The following ANO3 variants were observed in gnomAD, a reference collection of about 807,000 sequenced individuals.
ANO3 encodes anoctamin 3, also known as anoctamin-3.
ANO3 carries 99 observed loss-of-function variants against 144.8 expected under a neutral mutation model. The observed-to-expected ratio is 0.68, with a 90% CI of 0.58 to 0.81. ANO3 has a LOEUF of 0.81. Among genes scored for constraint, ANO3 ranks in the 30% least tolerant of loss-of-function variants. The pLI is 0.00. For synonymous variants in ANO3, 414 were observed against 392.6 expected (o/e 1.05, Z -0.64); for missense variants, 905 against 1,202.2 (o/e 0.75, Z 3.66).
At chr11:26,504,220 A>G (rs1861320477) in intron 4 of ANO3, among the ~76,000 whole-genome samples, 1 of 152,046 alleles carries the variant, frequency 6.6e-6, no homozygotes, top group African/African-American at 2.4e-5. Flanking sequence ...GCCTATTATA[A>G]TTTGTTCTAT....
chr11:26,511,629 C>T (rs1861669715), intron 5 of ANO3, among the ~76,000 whole-genome samples: 1 of 151,978 alleles, frequency 6.6e-6, no homozygotes, highest in Non-Finnish European at 1.5e-5. Flanking sequence ...TGCTAAATGG[C>T]TTGCAACAAG....
intron 3 of ANO3, among the ~76,000 whole-genome samples, chr11:26,450,381 G>C (rs910825534): frequency 1.3e-5 from 2 of 152,080 alleles, no homozygotes; most frequent in African/African-American, 2.4e-5. Flanking sequence ...CATTGCTACT[G>C]GCTAGTGGTA....
intron 1 of ANO3, among the ~76,000 whole-genome samples, chr11:26,413,479 A>T (rs1195054605): frequency 6.6e-6 from 1 of 151,874 alleles, no homozygotes; most frequent in Non-Finnish European, 1.5e-5. Context: ...CAGTGTAATT[A>T]CTCTCTATTT....
intron 13 of ANO3, among the ~76,000 whole-genome samples, chr11:26,558,373 AACAG>A (rs1850151756): frequency 1.3e-5 from 2 of 152,112 alleles, no homozygotes; most frequent in Middle Eastern, 3.4e-3. Flanking sequence ...TACAAAGGAA[AACAG>A]ACAGCTGTTC....
At chr11:26,408,264 A>C (rs1446603159) in intron 1 of ANO3, among the ~76,000 whole-genome samples, 3 of 151,830 alleles carry the variant, frequency 2.0e-5, no homozygotes, top group Non-Finnish European at 4.4e-5. Flanking sequence ...CAATGAACTC[A>C]AACAAATTTA....
intron 1 of ANO3, among the ~76,000 whole-genome samples, chr11:26,276,650 G>C (rs1853566164): frequency 6.6e-6 from 1 of 152,070 alleles, no homozygotes; most frequent in South Asian, 2.1e-4. Flanking sequence ...ATTTCTGTTA[G>C]GAATACACTA....
At chr11:26,525,751 C>A (rs976236127) in intron 7 of ANO3, 72 bp downstream of exon 7, 1 of 1,134,562 alleles carries the variant, frequency 8.8e-7, no homozygotes, top group African/African-American at 1.6e-5. Flanking sequence ...TATTTGATTC[C>A]CCATATCAGC....
chr11:26,213,089 T>A (rs1165292089), intron 1 of ANO3, among the ~76,000 whole-genome samples: 1 of 152,146 alleles, frequency 6.6e-6, no homozygotes, highest in Non-Finnish European at 1.5e-5. Context: ...CACCCCTTCA[T>A]GTTAAAAACT....
At chr11:26,459,918 C>G (rs1041938577) in intron 3 of ANO3, among the ~76,000 whole-genome samples, 3 of 151,956 alleles carry the variant, frequency 2.0e-5, no homozygotes, top group Non-Finnish European at 4.4e-5. Context: ...AAGGAACATT[C>G]CTGCTAACAC....
intron 14 of ANO3, among the ~76,000 whole-genome samples, chr11:26,597,048 C>T (rs1010127841): frequency 2.6e-5 from 4 of 152,224 alleles, no homozygotes; most frequent in Admixed American, 6.5e-5. Flanking sequence ...GATGGGTGCC[C>T]GGTTATTTTC....
intron 14 of ANO3, among the ~76,000 whole-genome samples, chr11:26,577,352 T>G (rs780651667): frequency 6.6e-6 from 1 of 151,384 alleles, no homozygotes; most frequent in Non-Finnish European, 1.5e-5. Context: ...TCACCTGAGG[T>G]TAAAGACCAG....
chr11:26,648,846 C>T (rs1403376975), intron 24 of ANO3, among the ~76,000 whole-genome samples: 1 of 152,110 alleles, frequency 6.6e-6, no homozygotes, highest in African/African-American at 2.4e-5. Context: ...GATCCGGATG[C>T]AGGGCATGTG....
intron 1 of ANO3, among the ~76,000 whole-genome samples, chr11:26,217,830 T>C (rs1485666867): frequency 1.3e-5 from 2 of 152,028 alleles, no homozygotes; most frequent in Admixed American, 1.3e-4. Context: ...CAGGTTGTTG[T>C]TGTTGTTGTT....
rs926731582 is a variant in ANO3, at chr11:26,243,503, T to C, written c.154+54173T>C. On this transcript the variant is annotated intron_variant, in intron 1 of 27. Coordinates refer to the ANO3 transcript ENST00000672621. ...GAATCTACACAATTGCAGAGATTTA[T>C]AGAGAAAGCTATTTGCTTAGATAAA... Among the ~76,000 whole-genome samples, 3 of 152,136 alleles carry C rather than the reference T, an allele frequency of 2.0e-5. No individual in the cohort carries two copies. In the South Asian group the frequency reaches 6.2e-4, roughly 31 times the overall value.
chr11:26,338,753 G>A (rs1012107662), intron 1 of ANO3, among the ~76,000 whole-genome samples: 3 of 151,914 alleles, frequency 2.0e-5, no homozygotes, highest in African/African-American at 2.4e-5. Flanking sequence ...AACACTTGCT[G>A]TGAGGGTCTG....
intron 5 of ANO3, among the ~76,000 whole-genome samples, chr11:26,510,005 G>C (rs942334323): frequency 2.0e-5 from 3 of 151,554 alleles, no homozygotes; most frequent in Admixed American, 6.6e-5. Context: ...GTGGTGGCGC[G>C]TTCCTGTAGT....
rs112418046 is a variant in ANO3 at position 26,518,455 on chromosome 11, T to C, written c.692+1528T>C. ...GCAGTCTTCAAATTTAGCATAGATA[T>C]GGTTAATAATCACCTTTGTTTTTTC... On this transcript the variant is annotated intron_variant, in intron 6 of 26. Transcript: ENST00000256737. 6.7e-3 allele frequency among the ~76,000 whole-genome samples: 1,014 copies of C among 152,148 alleles called. 6 individuals are homozygous for C. The highest frequency in any genetic ancestry group is 0.023 in the African/African-American group (971 of 41,534).
intron 1 of ANO3, among the ~76,000 whole-genome samples, chr11:26,326,071 T>G (rs1263552004): frequency 2.1e-4 from 32 of 152,300 alleles, no homozygotes; most frequent in Non-Finnish European, 7.4e-5. Flanking sequence ...TTTTTCAGTT[T>G]CAAATCTGTG....
At chr11:26,593,407 C>G (rs376289237) in intron 14 of ANO3, among the ~76,000 whole-genome samples, 1 of 152,128 alleles carries the variant, frequency 6.6e-6, no homozygotes, top group Non-Finnish European at 1.5e-5. Flanking sequence ...CTAGTGATTG[C>G]CTGTCCTAGG....
Sources: gnomAD v4.1 joint callset for allele counts (sites outside exome capture counted in the v4.1 genomes callset) on GRCh38, gnomAD v4.1.1 for gene constraint, MANE v1.5 for transcripts, NCBI Gene and HGNC (gene_info 2026-07-23, HGNC 2026-07-21) for gene names.